TTC28: variants seen among roughly 807,000 people sequenced by gnomAD.
The protein encoded by TTC28 is tetratricopeptide repeat domain 28, also known as tetratricopeptide repeat protein 28.
In TTC28, 61 loss-of-function variants were observed where a neutral mutation model predicts 198.0. That is an observed-to-expected ratio of 0.31 (90% CI 0.25 to 0.38). The LOEUF is 0.38. TTC28 is among the 10% of genes least tolerant of loss of function. The pLI, the probability that TTC28 is intolerant of heterozygous loss-of-function variation, is 1.00. For missense variants in TTC28, 2,678 were observed against 3,164.0 expected (o/e 0.85, Z 3.69); for synonymous variants, 1,171 against 1,297.8 (o/e 0.90, Z 2.10).
chr22:28,510,341 C>G (rs1290182168), intron 2 of TTC28, among the ~76,000 whole-genome samples: 1 of 152,158 alleles, frequency 6.6e-6, no homozygotes, highest in Non-Finnish European at 1.5e-5. Context: ...GGCTTCATCC[C>G]TGGGATGCAA....
intron 5 of TTC28, among the ~76,000 whole-genome samples, chr22:28,190,396 C>A (rs1924621244): frequency 6.6e-6 from 1 of 152,168 alleles, no homozygotes; most frequent in Non-Finnish European, 1.5e-5. Context: ...GTCATTCCAG[C>A]TCAAGATCTT....
At chr22:28,491,783 TC>T (rs1293036897) in intron 2 of TTC28, among the ~76,000 whole-genome samples, 3 of 152,148 alleles carry the variant, frequency 2.0e-5, no homozygotes, top group Non-Finnish European at 4.4e-5. Flanking sequence ...GGATTATAAA[TC>T]ATGCTACTAT....
chr22:28,413,351 T>G (rs2047114864), intron 2 of TTC28, among the ~76,000 whole-genome samples: 1 of 151,928 alleles, frequency 6.6e-6, no homozygotes, highest in East Asian at 1.9e-4. Context: ...GGCAGGAGAA[T>G]GGCGTGAAGC....
chr22:28,615,822 A>G (rs1473144930), intron 2 of TTC28, among the ~76,000 whole-genome samples: 1 of 152,072 alleles, frequency 6.6e-6, no homozygotes, highest in Non-Finnish European at 1.5e-5. Flanking sequence ...GAAGGATAGC[A>G]TTAGGAGAAA....
chr22:28,485,683 A>G (rs145631047), intron 2 of TTC28, among the ~76,000 whole-genome samples: 7 of 152,270 alleles, frequency 4.6e-5, no homozygotes, highest in Admixed American at 3.9e-4. Flanking sequence ...ACTTTTTCAG[A>G]TGAATATCAA....
chr22:28,298,255 C>T (rs1307594022), intron 3 of TTC28, among the ~76,000 whole-genome samples: 3 of 152,224 alleles, frequency 2.0e-5, no homozygotes, highest in African/African-American at 7.2e-5. Context: ...ACTTGTGCTG[C>T]ATTTTAATGG....
chr22:28,533,496 T>C (rs2049191671), intron 2 of TTC28, among the ~76,000 whole-genome samples: 4 of 152,174 alleles, frequency 2.6e-5, no homozygotes, highest in South Asian at 4.1e-4. Context: ...AGGTAATTTA[T>C]AGATTCAATG....
intron 2 of TTC28, among the ~76,000 whole-genome samples, chr22:28,325,369 CTTCT>C (rs1431445986): frequency 2.0e-5 from 3 of 150,976 alleles, no homozygotes; most frequent in East Asian, 1.9e-4. Context: ...TCTCTCTTTT[CTTCT>C]TTATTAGTCT....
intron 2 of TTC28, 54 bp from the exon 3 acceptor site, chr22:28,306,697 T>A (rs1444968687): frequency 3.3e-6 from 5 of 1,528,576 alleles, no homozygotes; most frequent in Non-Finnish European, 4.4e-6. Flanking sequence ...ACAAGGCTGA[T>A]GGTGATTCTT....
chr22:28,576,093 G>A (rs778877900), intron 2 of TTC28, among the ~76,000 whole-genome samples: 5 of 151,754 alleles, frequency 3.3e-5, no homozygotes, highest in Non-Finnish European at 5.9e-5. Flanking sequence ...AAAGTCTTTC[G>A]ATTTTTCCCC....
At chr22:28,622,461 A>G (rs2051014915) in intron 2 of TTC28, among the ~76,000 whole-genome samples, 1 of 152,106 alleles carries the variant, frequency 6.6e-6, no homozygotes, top group South Asian at 2.1e-4. Context: ...AATATCAACA[A>G]TTGAAAACTT....
At chr22:28,446,239 C>G (rs773418117) in intron 2 of TTC28, among the ~76,000 whole-genome samples, 2 of 123,972 alleles carry the variant, frequency 1.6e-5, no homozygotes, top group Non-Finnish European at 3.2e-5. Context: ...AACAAATACT[C>G]AATATTTTTT....
intron 2 of TTC28, among the ~76,000 whole-genome samples, chr22:28,360,742 CT>C (rs1356453080): frequency 4.3e-4 from 65 of 152,286 alleles, no homozygotes; most frequent in Non-Finnish European, 4.7e-4. Flanking sequence ...CTTTATTGTG[CT>C]TTGCAGATAC....
chr22:28,296,131 C>A, intron 5 of TTC28, 67 bp downstream of exon 5: 1 of 1,457,816 alleles, frequency 6.9e-7, no homozygotes, highest in Non-Finnish European at 9.2e-7. Context: ...TTGTTTTTAA[C>A]AGAAAATAGA....
intron 5 of TTC28, among the ~76,000 whole-genome samples, chr22:28,203,146 AC>A (rs1926115495): frequency 6.6e-6 from 1 of 152,154 alleles, no homozygotes; most frequent in Non-Finnish European, 1.5e-5. Context: ...TGGAAAAAAA[AC>A]ATGGTAAAGT....
chr22:28,625,651 A>C (rs1221171789), intron 2 of TTC28, among the ~76,000 whole-genome samples: 4 of 152,212 alleles, frequency 2.6e-5, no homozygotes, highest in Admixed American at 2.0e-4. Context: ...TAAGCCCATT[A>C]ATTTCCAGAA....
chr22:28,220,019 A>T (rs1014525299), intron 5 of TTC28, among the ~76,000 whole-genome samples: 2 of 152,176 alleles, frequency 1.3e-5, no homozygotes, highest in African/African-American at 4.8e-5. Context: ...GAGTTTTCCT[A>T]CTGCAGCTGC....
At chr22:28,622,994 G>C (rs1292490738) in intron 2 of TTC28, among the ~76,000 whole-genome samples, 4 of 151,982 alleles carry the variant, frequency 2.6e-5, no homozygotes, top group Admixed American at 1.3e-4. Context: ...GCTAATTTTT[G>C]TATTTTTTAG....
At chr22:28,082,069 T>C (rs1941385482) in intron 12 of TTC28, among the ~76,000 whole-genome samples, 1 of 152,314 alleles carries the variant, frequency 6.6e-6, no homozygotes, top group African/African-American at 2.4e-5. Context: ...ATTGCTAGTG[T>C]ATAGAAACAC....
Sources: allele counts gnomAD v4.1 joint callset (sites outside exome capture counted in the v4.1 genomes callset), GRCh38; gene constraint gnomAD v4.1.1; transcripts MANE v1.5; gene names NCBI Gene and HGNC (gene_info 2026-07-23, HGNC 2026-07-21).